The following STAM variants were observed in gnomAD, a reference collection of about 807,000 sequenced individuals.
STAM encodes the protein signal transducing adaptor molecule, also known as signal transducing adapter molecule 1.
A neutral mutation model predicts 63.4 loss-of-function variants in STAM; 16 were observed. That is an observed-to-expected ratio of 0.25 (90% CI 0.17 to 0.38). The LOEUF (loss-of-function observed/expected upper bound fraction) is 0.38. Ranked by LOEUF, STAM falls within the 10% of genes least tolerant of loss-of-function variation. STAM has a pLI of 1.00. For synonymous variants in STAM, 238 were observed against 223.9 expected (o/e 1.06, Z -0.56); for missense variants, 636 against 657.1 (o/e 0.97, Z 0.35).
At chr10:17,674,651 C>T (rs1453612974) in intron 2 of STAM, among the ~76,000 whole-genome samples, 2 of 152,174 alleles carry the variant, frequency 1.3e-5, no homozygotes, top group Non-Finnish European at 2.9e-5. Context: ...CTCAGAATGT[C>T]ACTTCCACTA....
At chr10:17,650,920 CCGGGCGTAGTGG>C (rs1554821459) in intron 1 of STAM, among the ~76,000 whole-genome samples, 1 of 151,874 alleles carries the variant, frequency 6.6e-6, no homozygotes, top group African/African-American at 2.4e-5. Flanking sequence ...AAAAAATTAG[CCGGGCGTAGTGG>C]CGGGCGCCTG....
intron 1 of STAM, among the ~76,000 whole-genome samples, chr10:17,657,130 C>A (rs956548701): frequency 1.3e-5 from 2 of 152,144 alleles, no homozygotes; most frequent in Non-Finnish European, 2.9e-5. Flanking sequence ...TGCCTGGGCT[C>A]ACTCACTCAG....
At chr10:17,713,708 C>T (rs1240581163) in intron 13 of STAM, among the ~76,000 whole-genome samples, 1 of 152,076 alleles carries the variant, frequency 6.6e-6, no homozygotes, top group Non-Finnish European at 1.5e-5. Context: ...ACCATTACTG[C>T]CGTGGCTCTT....
In STAM at chr10:17,644,293, G is replaced by T. The variant is rs1554820496; in HGVS notation, c.-47G>T. On this transcript the variant is annotated 5_prime_UTR_variant, in exon 1 of 14. Coordinates refer to ENST00000377524, the MANE Select transcript of STAM (RefSeq NM_003473.4). The stretch of plus-strand genomic sequence containing the variant: ...CATCCTACGTCGAGCTCTGACTCCC[G>T]TGCTGTCGAGAGGGAGTCCCCGGGG... 1 of 1,604,626 alleles carries T rather than the reference G, an allele frequency of 6.2e-7. No individual in the cohort carries two copies. Among genetic ancestry groups the T allele is most frequent in the African/African-American group, 1.3e-5 (1 of 74,786 alleles).
At chr10:17,685,214 A>C (rs1181509279) in intron 4 of STAM, among the ~76,000 whole-genome samples, 1 of 152,214 alleles carries the variant, frequency 6.6e-6, no homozygotes, top group African/African-American at 2.4e-5. Flanking sequence ...AAATAATATC[A>C]GTCTATTTTA....
chr10:17,647,854 C>T lies in STAM; in HGVS notation c.40+3475C>T, dbSNP rs76603297. 1.1e-4 allele frequency among the ~76,000 whole-genome samples: 17 copies of T among 152,312 alleles called. No homozygotes were observed. The East Asian group carries it at 2.9e-3, about 26-fold the overall frequency. On this transcript the variant is annotated intron_variant, in intron 1 of 13. Coordinates refer to ENST00000377524, the MANE Select transcript of STAM (RefSeq NM_003473.4). ...GGTGACTCCTGGATTTATGTTCTTA[C>T]TCTCAGCCTCTTGCCTGAGCTCTCG...
intron 1 of STAM, among the ~76,000 whole-genome samples, chr10:17,648,711 G>A (rs1285586114): frequency 6.6e-6 from 1 of 152,148 alleles, no homozygotes; most frequent in Non-Finnish European, 1.5e-5. Context: ...CCTTCTGGTA[G>A]GTTTCTTTGT....
At chr10:17,709,924 G>A (rs1205498673) in intron 13 of STAM, among the ~76,000 whole-genome samples, 2 of 131,090 alleles carry the variant, frequency 1.5e-5, no homozygotes, top group Admixed American at 8.3e-5. Flanking sequence ...AGTGGGTTCT[G>A]TATCTTAGAA....
In STAM at chr10:17,696,769, T is replaced by C; in HGVS notation, c.729-6T>C. On this transcript the variant is annotated splice_polypyrimidine_tract_variant and splice_region_variant and intron_variant, in intron 7 of 13. Transcript: ENST00000377524. ...ATGGTAAAGCATTGTTTTTTGTTTG[T>C]CATAGTGATCCTAACTGGTGGAAAG... is the stretch of plus-strand genomic sequence containing the variant. 1 of 1,603,200 alleles carries C rather than the reference T, an allele frequency of 6.2e-7. No homozygotes were observed. The highest frequency in any genetic ancestry group is 8.5e-7 in the Non-Finnish European group (1 of 1,170,330).
chr10:17,701,567 C>T (rs1835998093), intron 9 of STAM, among the ~76,000 whole-genome samples: 1 of 152,148 alleles, frequency 6.6e-6, no homozygotes, highest in Non-Finnish European at 1.5e-5. Flanking sequence ...GCCTGCAAAG[C>T]CTGAAATATT....
chr10:17,645,503 T>C (rs1252662737), intron 1 of STAM, among the ~76,000 whole-genome samples: 12 of 152,240 alleles, frequency 7.9e-5, no homozygotes, highest in Admixed American at 7.9e-4. Flanking sequence ...TTAAATTCTT[T>C]GAGTTCCAGT....
At chr10:17,662,314 G>A (rs1554822979) in intron 2 of STAM, among the ~76,000 whole-genome samples, 1 of 151,880 alleles carries the variant, frequency 6.6e-6, no homozygotes, top group Non-Finnish European at 1.5e-5. Context: ...TGTTTCTTGA[G>A]GATGGAATGT....
chr10:17,680,725 A>C (rs1554825265), intron 2 of STAM, among the ~76,000 whole-genome samples: 1 of 152,158 alleles, frequency 6.6e-6, no homozygotes, highest in East Asian at 1.9e-4. Context: ...GACTACTCTT[A>C]GTACCTCATC....
intron 2 of STAM, among the ~76,000 whole-genome samples, chr10:17,683,048 G>A (rs1835152207): frequency 1.3e-5 from 2 of 152,184 alleles, no homozygotes; most frequent in Admixed American, 1.3e-4. Context: ...AGATAAAAGT[G>A]TAGTTGGATT....
At chr10:17,654,254 GC>G (rs1185612619) in intron 1 of STAM, among the ~76,000 whole-genome samples, 1 of 151,934 alleles carries the variant, frequency 6.6e-6, no homozygotes, top group African/African-American at 2.4e-5. Flanking sequence ...ACGGAGGCTT[GC>G]TCTGTCACCC....
chr10:17,644,404 C>T (rs376024433), intron 1 of STAM, 25 bp downstream of exon 1: 66 of 1,613,906 alleles, frequency 4.1e-5, no homozygotes, highest in Admixed American at 2.0e-4. Context: ...CTCTCCCTGC[C>T]CATTCCTCAC....
At chr10:17,701,868 G>T (rs1222028129) in intron 9 of STAM, among the ~76,000 whole-genome samples, 2 of 152,032 alleles carry the variant, frequency 1.3e-5, no homozygotes, top group Non-Finnish European at 2.9e-5. Flanking sequence ...TTGGTATTAA[G>T]AAAGTCATGG....
chr10:17,674,264 A>G (rs1451053488), intron 2 of STAM, among the ~76,000 whole-genome samples: 2 of 152,230 alleles, frequency 1.3e-5, no homozygotes, highest in Non-Finnish European at 2.9e-5. Context: ...TGTTCTAGTT[A>G]TCTCTTACTA....
intron 1 of STAM, among the ~76,000 whole-genome samples, chr10:17,646,395 C>T (rs142641038): frequency 3.3e-5 from 5 of 152,296 alleles, no homozygotes; most frequent in Non-Finnish European, 5.9e-5. Flanking sequence ...AGTTGAGAAC[C>T]GCTGCACTAG....
Sources: gnomAD v4.1 joint callset for allele counts (sites outside exome capture counted in the v4.1 genomes callset) on GRCh38, gnomAD v4.1.1 for gene constraint, MANE v1.5 for transcripts, NCBI Gene and HGNC (gene_info 2026-07-23, HGNC 2026-07-21) for gene names.